LDLRAD3: variants seen among roughly 807,000 people sequenced by gnomAD.
The protein encoded by LDLRAD3 is low density lipoprotein receptor class A domain containing 3, also known as low-density lipoprotein receptor class A domain-containing protein 3.
LDLRAD3 carries 20 observed loss-of-function variants against 29.4 expected under a neutral mutation model. The observed-to-expected ratio is 0.68, with a 90% CI of 0.48 to 0.99. LDLRAD3 has a LOEUF of 0.99. Ranked by LOEUF, LDLRAD3 falls within the 50% of genes least tolerant of loss-of-function variation. The pLI, the probability that LDLRAD3 is intolerant of heterozygous loss-of-function variation, is 0.00. For missense variants in LDLRAD3, 420 were observed against 454.3 expected (o/e 0.92, Z 0.69); for synonymous variants, 157 against 192.7 (o/e 0.81, Z 1.53).
intron 2 of LDLRAD3, among the ~76,000 whole-genome samples, chr11:36,075,512 C>A (rs1167204348): frequency 6.6e-6 from 1 of 152,176 alleles, no homozygotes; most frequent in Non-Finnish European, 1.5e-5. Context: ...TGTCAAGTTA[C>A]TATTTTTCTC....
chr11:35,952,778 C>T (rs572233321), intron 1 of LDLRAD3, among the ~76,000 whole-genome samples: 44 of 152,204 alleles, frequency 2.9e-4, no homozygotes, highest in East Asian at 5.8e-4. Context: ...GATAATGCCT[C>T]GTATCAAAAG....
chr11:36,157,408 C>T (rs1344169832), intron 4 of LDLRAD3, among the ~76,000 whole-genome samples: 1 of 152,140 alleles, frequency 6.6e-6, no homozygotes, highest in Non-Finnish European at 1.5e-5. Context: ...GAAGAGTTTC[C>T]CACATTGCAG....
At chr11:36,088,816 G>A (rs1853233899) in intron 3 of LDLRAD3, among the ~76,000 whole-genome samples, 1 of 152,160 alleles carries the variant, frequency 6.6e-6, no homozygotes, top group Non-Finnish European at 1.5e-5. Flanking sequence ...CCAAGGCTGG[G>A]CTGGGTCATC....
intron 4 of LDLRAD3, among the ~76,000 whole-genome samples, chr11:36,220,132 CA>C (rs1565313245): frequency 2.0e-5 from 3 of 152,076 alleles, no homozygotes; most frequent in Non-Finnish European, 4.4e-5. Flanking sequence ...TAAGTGGTAT[CA>C]ATAAGATACC....
chr11:36,061,285 C>T (rs777140260), intron 2 of LDLRAD3, among the ~76,000 whole-genome samples: 2 of 152,090 alleles, frequency 1.3e-5, no homozygotes, highest in African/African-American at 2.4e-5. Flanking sequence ...ACTGCAGGCA[C>T]GTGGCACTAC....
At chr11:35,973,193 G>A (rs545554114) in intron 1 of LDLRAD3, among the ~76,000 whole-genome samples, 27 of 150,910 alleles carry the variant, frequency 1.8e-4, no homozygotes, top group South Asian at 1.3e-3. Context: ...TATTGTTGTC[G>A]TTGTTTACTT....
At chr11:35,953,257 CG>C (rs1851160287) in intron 1 of LDLRAD3, among the ~76,000 whole-genome samples, 2 of 152,120 alleles carry the variant, frequency 1.3e-5, no homozygotes, top group South Asian at 4.1e-4. Flanking sequence ...CGAGCGGCCA[CG>C]GGGAGGGAGG....
At chr11:36,004,064 C>A (rs1185085612) in intron 1 of LDLRAD3, among the ~76,000 whole-genome samples, 1 of 152,148 alleles carries the variant, frequency 6.6e-6, no homozygotes, top group Non-Finnish European at 1.5e-5. Flanking sequence ...CACATCCAAA[C>A]CAAATTATTG....
chr11:36,019,723 C>G (rs1358986), intron 1 of LDLRAD3, among the ~76,000 whole-genome samples: 15,222 of 152,190 alleles, frequency 0.1, 875 homozygotes, highest in African/African-American at 0.16. Flanking sequence ...TGTGTTGCAG[C>G]TGTCACTATT....
chr11:36,076,222 G>GTCCGTCCGTCCA (rs1554962926), intron 2 of LDLRAD3, among the ~76,000 whole-genome samples: 1 of 145,402 alleles, frequency 6.9e-6, no homozygotes, highest in Non-Finnish European at 1.5e-5. Context: ...CTGTCCATCC[G>GTCCGTCCGTCCA]TCCATCCATC....
chr11:36,199,585 A>ACACACG (rs771281624), intron 4 of LDLRAD3, among the ~76,000 whole-genome samples: 7 of 150,354 alleles, frequency 4.7e-5, no homozygotes, highest in East Asian at 3.9e-4. Flanking sequence ...ACACACACAC[A>ACACACG]CACGCACGCA....
chr11:36,177,419 T>C (rs1854694906), intron 4 of LDLRAD3, among the ~76,000 whole-genome samples: 1 of 152,198 alleles, frequency 6.6e-6, no homozygotes, highest in Non-Finnish European at 1.5e-5. Context: ...AGAATTGTTT[T>C]TCTGGTTCCT....
intron 1 of LDLRAD3, among the ~76,000 whole-genome samples, chr11:35,963,102 T>A (rs1851297628): frequency 6.6e-6 from 1 of 152,314 alleles, no homozygotes; most frequent in East Asian, 1.9e-4. Flanking sequence ...TGGATTTAAA[T>A]GCCATTTTAT....
At chr11:36,131,883 G>A (rs1853931130) in intron 4 of LDLRAD3, among the ~76,000 whole-genome samples, 1 of 152,212 alleles carries the variant, frequency 6.6e-6, no homozygotes, top group Non-Finnish European at 1.5e-5. Context: ...AGGAGCTTAG[G>A]TGCTGGGTGG....
intron 4 of LDLRAD3, chr11:36,196,606 C>T (rs1855036788): frequency 6.6e-6 from 1 of 152,214 alleles, no homozygotes; most frequent in South Asian, 2.1e-4. Flanking sequence ...ATGATGCCAG[C>T]ATGTTGGGTT....
rs148654047 is a variant in LDLRAD3 at position 36,102,435 on chromosome 11, T to C, written c.454+3974T>C. On this transcript the variant is annotated intron_variant, in intron 4 of 5. Coordinates refer to ENST00000315571, the MANE Select transcript of LDLRAD3 (RefSeq NM_174902.4). ...GTGCTTGAAATAATTCTCTTCCAAT[T>C]TGACTAGGGTATGAAATAGTGGTTT... Among the ~76,000 whole-genome samples the C allele has an allele frequency of 5.4e-4, 82 of 152,232 alleles. 1 individual carries two copies. The highest frequency in any genetic ancestry group is 1.7e-3 in the African/African-American group (69 of 41,534).
intron 4 of LDLRAD3, among the ~76,000 whole-genome samples, chr11:36,169,755 A>G (rs1402557512): frequency 6.6e-6 from 1 of 152,226 alleles, no homozygotes; most frequent in Non-Finnish European, 1.5e-5. Flanking sequence ...CTGCATAAGC[A>G]TGGGAGTGCA....
At chr11:36,006,234 A>G (rs1488167054) in intron 1 of LDLRAD3, among the ~76,000 whole-genome samples, 3 of 152,198 alleles carry the variant, frequency 2.0e-5, no homozygotes, top group Non-Finnish European at 4.4e-5. Context: ...CATAGTTACC[A>G]GAGTTACAAT....
intron 4 of LDLRAD3, among the ~76,000 whole-genome samples, chr11:36,146,956 A>AT (rs1269939243): frequency 6.6e-6 from 1 of 151,342 alleles, no homozygotes; most frequent in East Asian, 1.9e-4. Flanking sequence ...CATGCAGCTA[A>AT]TTTTTGTATT....
Sources: gnomAD v4.1 joint callset for allele counts (sites outside exome capture counted in the v4.1 genomes callset) on GRCh38, gnomAD v4.1.1 for gene constraint, MANE v1.5 for transcripts, NCBI Gene and HGNC (gene_info 2026-07-23, HGNC 2026-07-21) for gene names.